The following CACNG2 variants were observed in gnomAD, a reference collection of about 807,000 sequenced individuals.
CACNG2 encodes the protein voltage-dependent calcium channel gamma-2 subunit.
A neutral mutation model predicts 25.9 loss-of-function variants in CACNG2; 3 were observed. That is an observed-to-expected ratio of 0.12 (90% CI 0.05 to 0.30). CACNG2 has a LOEUF of 0.30. Among genes scored for constraint, CACNG2 ranks in the 10% least tolerant of loss-of-function variants. The pLI, the probability that CACNG2 is intolerant of heterozygous loss-of-function variation, is 1.00. For synonymous variants in CACNG2, 167 were observed against 173.3 expected (o/e 0.96, Z 0.29); for missense variants, 341 against 432.5 (o/e 0.79, Z 1.88).
rs188399548 is a variant in CACNG2 at position 36,678,178 on chromosome 22, G to T, written c.211+24188C>A. ...TGAGGCCACGTAAAATGATGGAATGGTTATCTTCCCAAACGCCAATTTGTG... is the reference window on the plus strand; with the variant it reads ...TGAGGCCACGTAAAATGATGGAATGTTTATCTTCCCAAACGCCAATTTGTG... On this transcript the variant is annotated intron_variant, in intron 1 of 3. Coordinates refer to ENST00000300105, the MANE Select transcript of CACNG2 (RefSeq NM_006078.5). Among the ~76,000 whole-genome samples, 21 of 152,302 alleles carry T rather than the reference G, an allele frequency of 1.4e-4. No homozygotes were observed. The East Asian group carries it at 4.0e-3, about 29-fold the overall frequency.
chr22:36,588,014 A>G (rs961549880), intron 1 of CACNG2, among the ~76,000 whole-genome samples: 1 of 152,220 alleles, frequency 6.6e-6, no homozygotes, highest in African/African-American at 2.4e-5. Flanking sequence ...CCTTTAGAAG[A>G]GCCTGCAAAA....
chr22:36,624,227 C>T (rs937999630), intron 1 of CACNG2, among the ~76,000 whole-genome samples: 1 of 152,164 alleles, frequency 6.6e-6, no homozygotes, highest in African/African-American at 2.4e-5. Context: ...CGGGGATGGC[C>T]CGAGGCAAAG....
intron 2 of CACNG2, among the ~76,000 whole-genome samples, chr22:36,572,923 G>A (rs920710223): frequency 1.3e-5 from 2 of 152,216 alleles, no homozygotes; most frequent in Non-Finnish European, 2.9e-5. Context: ...GGCTTGGCAT[G>A]AGAGACATGA....
intron 1 of CACNG2, among the ~76,000 whole-genome samples, chr22:36,647,285 C>A (rs1299958256): frequency 6.6e-6 from 1 of 152,108 alleles, no homozygotes; most frequent in East Asian, 1.9e-4. Context: ...GGCATTGTAG[C>A]CAGAAGGGTT....
At chr22:36,605,864 T>G (rs1786733157) in intron 1 of CACNG2, among the ~76,000 whole-genome samples, 1 of 152,190 alleles carries the variant, frequency 6.6e-6, no homozygotes, top group African/African-American at 2.4e-5. Context: ...GGGAACCGCA[T>G]GCACTTAGAT....
In CACNG2 at chr22:36,603,660, A is replaced by G. The variant is rs534498616; in HGVS notation, c.212-16112T>C. On this transcript the variant is annotated intron_variant, in intron 1 of 3. Coordinates refer to ENST00000300105, the MANE Select transcript of CACNG2 (RefSeq NM_006078.5). ...AAAAATTTTAGAGCCCTTAAGAAGT[A>G]TGCTAAATCTACTCTACCTGTGCTC... Among the ~76,000 whole-genome samples, 10 of 152,342 alleles carry G rather than the reference A, an allele frequency of 6.6e-5. No homozygotes were observed. In the South Asian group the frequency reaches 2.1e-3, roughly 32 times the overall value.
At chr22:36,566,524 G>C (rs201623977) in intron 2 of CACNG2, 31 bp from the exon 3 acceptor site, 1 of 1,613,268 alleles carries the variant, frequency 6.2e-7, no homozygotes, top group East Asian at 2.2e-5. Flanking sequence ...GGGAGAAAGA[G>C]AACGGCATGG....
At chr22:36,647,425 G>A (rs1204277123) in intron 1 of CACNG2, among the ~76,000 whole-genome samples, 13 of 151,990 alleles carry the variant, frequency 8.6e-5, no homozygotes. Context: ...GTGAAACCCC[G>A]TCTCTACTAA....
At chr22:36,642,748 G>A (rs1041846848) in intron 1 of CACNG2, among the ~76,000 whole-genome samples, 9 of 152,214 alleles carry the variant, frequency 5.9e-5, no homozygotes, top group African/African-American at 1.4e-4. Flanking sequence ...CCTGCAGCTC[G>A]TTTGCCTGGC....
At chr22:36,601,419 G>A (rs1015760057) in intron 1 of CACNG2, among the ~76,000 whole-genome samples, 1 of 152,144 alleles carries the variant, frequency 6.6e-6, no homozygotes, top group Admixed American at 6.6e-5. Context: ...TCCATTGATG[G>A]ACATCTAGAT....
At chr22:36,651,443 G>T (rs1014181739) in intron 1 of CACNG2, among the ~76,000 whole-genome samples, 1 of 151,790 alleles carries the variant, frequency 6.6e-6, no homozygotes, top group East Asian at 1.9e-4. Flanking sequence ...TGGCCTGGCT[G>T]GTCTCGAACT....
chr22:36,627,610 C>T (rs1248263035), intron 1 of CACNG2, among the ~76,000 whole-genome samples: 1 of 151,482 alleles, frequency 6.6e-6, no homozygotes, highest in Non-Finnish European at 1.5e-5. Context: ...GCCATGGAGA[C>T]CACTCAAAAG....
intron 1 of CACNG2, 114 bp from the exon 2 acceptor site, chr22:36,587,662 T>G: frequency 2.5e-6 from 2 of 794,444 alleles, no homozygotes; most frequent in South Asian, 2.7e-5. Context: ...GCCCTCTCCC[T>G]CACCCCTGAA....
intron 1 of CACNG2, among the ~76,000 whole-genome samples, chr22:36,676,498 G>C (rs1031015577): frequency 3.9e-5 from 6 of 152,182 alleles, no homozygotes; most frequent in Non-Finnish European, 8.8e-5. Flanking sequence ...GCTCAGAGAG[G>C]CTAAACAACT....
At chr22:36,590,864 G>T (rs985199444) in intron 1 of CACNG2, among the ~76,000 whole-genome samples, 3 of 151,570 alleles carry the variant, frequency 2.0e-5, no homozygotes, top group Non-Finnish European at 2.9e-5. Context: ...CTTCTTTCCT[G>T]CCATGCTCCC....
chr22:36,671,607 G>T (rs777139330), intron 1 of CACNG2, among the ~76,000 whole-genome samples: 1 of 152,136 alleles, frequency 6.6e-6, no homozygotes, highest in South Asian at 2.1e-4. Context: ...GCACTGAATC[G>T]CCAACAAACA....
intron 1 of CACNG2, among the ~76,000 whole-genome samples, chr22:36,658,363 A>G (rs1208592557): frequency 6.6e-6 from 1 of 152,248 alleles, no homozygotes; most frequent in African/African-American, 2.4e-5. Flanking sequence ...CAATAAGGGC[A>G]GGTAGTGACA....
intron 1 of CACNG2, among the ~76,000 whole-genome samples, chr22:36,660,835 T>G (rs1936781740): frequency 6.6e-6 from 1 of 152,258 alleles, no homozygotes; most frequent in Non-Finnish European, 1.5e-5. Context: ...CTAAAGTTTT[T>G]TAAATCATGG....
chr22:36,583,190 T>G (rs1281077583), intron 2 of CACNG2, among the ~76,000 whole-genome samples: 1 of 152,078 alleles, frequency 6.6e-6, no homozygotes, highest in Non-Finnish European at 1.5e-5. Flanking sequence ...CGCAGCACTT[T>G]GGGAGGCTGA....
Sources: allele counts gnomAD v4.1 joint callset (sites outside exome capture counted in the v4.1 genomes callset), GRCh38; gene constraint gnomAD v4.1.1; transcripts MANE v1.5; gene names NCBI Gene and HGNC (gene_info 2026-07-23, HGNC 2026-07-21).